SGCD: variants seen among roughly 807,000 people sequenced by gnomAD.
SGCD encodes the protein sarcoglycan delta, also known as delta-sarcoglycan.
In SGCD, 18 loss-of-function variants were observed where a neutral mutation model predicts 36.6. The ratio of observed to expected loss-of-function variants is 0.49; its 90% CI spans 0.34 to 0.73. SGCD has a LOEUF of 0.73. Ranked by LOEUF, SGCD falls within the 30% of genes least tolerant of loss-of-function variation. The pLI, the probability that SGCD is intolerant of heterozygous loss-of-function variation, is 0.01. For synonymous variants in SGCD, 133 were observed against 130.6 expected (o/e 1.02, Z -0.12); for missense variants, 387 against 346.7 (o/e 1.12, Z -0.92).
At chr5:156,686,495 C>T (rs760586574) in intron 7 of SGCD, among the ~76,000 whole-genome samples, 1 of 152,110 alleles carries the variant, frequency 6.6e-6, no homozygotes, top group Admixed American at 6.6e-5. Flanking sequence ...GCAGTAGAAC[C>T]CTGATGGATA....
intron 1 of SGCD, among the ~76,000 whole-genome samples, chr5:155,901,545 C>G (rs1417382337): frequency 2.0e-5 from 3 of 152,128 alleles, no homozygotes; most frequent in African/African-American, 4.8e-5. Context: ...TGGATAGTAA[C>G]TGGCAGATCT....
At chr5:155,938,224 G>A (rs778727326) in intron 1 of SGCD, among the ~76,000 whole-genome samples, 3 of 152,182 alleles carry the variant, frequency 2.0e-5, no homozygotes, top group Middle Eastern at 3.2e-3. Context: ...CGCAGCATTT[G>A]ATGGCAGCCC....
chr5:155,876,148 AC>A (rs1755763751), intron 1 of SGCD, among the ~76,000 whole-genome samples: 1 of 148,836 alleles, frequency 6.7e-6, no homozygotes, highest in African/African-American at 2.5e-5. Flanking sequence ...CGCTGCACCC[AC>A]TAACTCATCA....
intron 1 of SGCD, among the ~76,000 whole-genome samples, chr5:155,943,337 A>T (rs1328563793): frequency 6.6e-6 from 1 of 151,218 alleles, no homozygotes; most frequent in Non-Finnish European, 1.5e-5. Context: ...CTATATTCAT[A>T]TGTGGAATTC....
At chr5:156,621,327 GATT>G (rs1762238287) in intron 6 of SGCD, among the ~76,000 whole-genome samples, 1 of 152,192 alleles carries the variant, frequency 6.6e-6, no homozygotes. Flanking sequence ...AAGTAGCTGG[GATT>G]ACAGGTGTGC....
intron 3 of SGCD, among the ~76,000 whole-genome samples, chr5:156,458,665 T>C (rs998352124): frequency 6.6e-6 from 1 of 152,190 alleles, no homozygotes; most frequent in Non-Finnish European, 1.5e-5. Context: ...TTAAATGAGA[T>C]AGTCTATGTT....
chr5:156,067,760 G>C (rs1386262387), intron 1 of SGCD, among the ~76,000 whole-genome samples: 2 of 135,466 alleles, frequency 1.5e-5, no homozygotes, highest in Non-Finnish European at 3.0e-5. Flanking sequence ...CTGACCCCTT[G>C]CGCTTCCCAG....
intron 1 of SGCD, among the ~76,000 whole-genome samples, chr5:156,034,299 C>T (rs1245210511): frequency 1.3e-5 from 2 of 152,158 alleles, no homozygotes; most frequent in African/African-American, 2.4e-5. Context: ...GAACCTTCCT[C>T]CACCAAACCT....
intron 3 of SGCD, among the ~76,000 whole-genome samples, chr5:156,246,903 T>C (rs115407086): frequency 2.6e-5 from 4 of 152,106 alleles, no homozygotes; most frequent in African/African-American, 9.7e-5. Flanking sequence ...AAACATGTAA[T>C]TAAGCTCCAG....
chr5:156,378,923 C>T (rs1287793813), intron 3 of SGCD, among the ~76,000 whole-genome samples: 1 of 152,014 alleles, frequency 6.6e-6, no homozygotes, highest in Non-Finnish European at 1.5e-5. Flanking sequence ...AATCACCATC[C>T]CAGATACTGC....
intron 3 of SGCD, chr5:156,458,592 A>G: frequency 1.3e-6 from 1 of 750,526 alleles, no homozygotes; most frequent in Non-Finnish European, 2.3e-6. Context: ...TAACATCTCT[A>G]AACCTCAGAT....
At chr5:155,852,175 A>G in the SGCD span, among the ~76,000 whole-genome samples, 6 of 152,346 alleles carry the variant, frequency 3.9e-5, no homozygotes, top group Non-Finnish European at 8.8e-5. Context: ...TTAGAGAACA[A>G]TGTCTCCTTC....
chr5:156,635,362 G>A (rs879029566), intron 6 of SGCD, among the ~76,000 whole-genome samples: 5 of 152,254 alleles, frequency 3.3e-5, no homozygotes, highest in East Asian at 1.9e-4. Flanking sequence ...TTAGAATGGC[G>A]ATCATTAAAA....
chr5:156,218,149 A>G (rs968455359), intron 3 of SGCD, among the ~76,000 whole-genome samples: 12 of 152,060 alleles, frequency 7.9e-5, no homozygotes, highest in African/African-American at 1.4e-4. Context: ...TGGCATGAGC[A>G]TGTAATCCCA....
At chr5:156,071,782 C>T (rs1322088312) in intron 1 of SGCD, among the ~76,000 whole-genome samples, 1 of 152,170 alleles carries the variant, frequency 6.6e-6, no homozygotes, top group African/African-American at 2.4e-5. Flanking sequence ...CTTTGTAGGT[C>T]ACTCAGGACT....
At chr5:156,317,895 C>A (rs895509282) in intron 3 of SGCD, among the ~76,000 whole-genome samples, 2 of 152,156 alleles carry the variant, frequency 1.3e-5, no homozygotes, top group African/African-American at 2.4e-5. Context: ...ATAAATGTGA[C>A]AAATGGCATG....
chr5:156,190,482 C>T (rs1322607658), intron 3 of SGCD, among the ~76,000 whole-genome samples: 1 of 152,064 alleles, frequency 6.6e-6, no homozygotes, highest in Non-Finnish European at 1.5e-5. Context: ...TTAAGTTTTG[C>T]CCTATGTAAT....
At chr5:156,535,816 G>A (rs1388372189) in intron 4 of SGCD, among the ~76,000 whole-genome samples, 2 of 152,066 alleles carry the variant, frequency 1.3e-5, no homozygotes, top group Non-Finnish European at 2.9e-5. Flanking sequence ...TGTCTTTGAT[G>A]AGCCATCACA....
chr5:156,462,883 A>G lies in SGCD; in HGVS notation c.193-45718A>G, dbSNP rs560117479. ...ATGAGTTTAGCCTTTATAGAAGGCT[A>G]TAATTTTATGGGCTATGAACTTATG... On this transcript the variant is annotated intron_variant, in intron 3 of 8. Coordinates refer to ENST00000337851, the MANE Select transcript of SGCD (RefSeq NM_000337.6). Among the ~76,000 whole-genome samples the G allele has an allele frequency of 7.9e-5, 12 of 152,322 alleles. No homozygotes were observed. In the South Asian group the frequency reaches 2.3e-3, roughly 29 times the overall value.
Sources: allele counts gnomAD v4.1 joint callset (sites outside exome capture counted in the v4.1 genomes callset), GRCh38; gene constraint gnomAD v4.1.1; transcripts MANE v1.5; gene names NCBI Gene and HGNC (gene_info 2026-07-23, HGNC 2026-07-21).